PAK5: variants seen among roughly 807,000 people sequenced by gnomAD.
PAK5 encodes p21 (RAC1) activated kinase 5, also known as serine/threonine-protein kinase PAK 5.
A neutral mutation model predicts 65.9 loss-of-function variants in PAK5; 16 were observed. The ratio of observed to expected loss-of-function variants is 0.24; its 90% CI spans 0.16 to 0.37. PAK5 has a LOEUF of 0.37. Ranked by LOEUF, PAK5 falls within the 10% of genes least tolerant of loss-of-function variation. The pLI, the probability that PAK5 is intolerant of heterozygous loss-of-function variation, is 1.00. For missense variants in PAK5, 785 were observed against 903.9 expected, an observed-to-expected ratio of 0.87 and a Z score of 1.69; for synonymous variants, 371 against 354.9, an observed-to-expected ratio of 1.05 and a Z score of -0.51.
intron 1 of PAK5, among the ~76,000 whole-genome samples, chr20:9,826,987 C>T (rs1357976077): frequency 6.6e-6 from 1 of 152,178 alleles, no homozygotes; most frequent in Non-Finnish European, 1.5e-5. Context: ...TGCTTCACCA[C>T]TTTCTCTCTT....
intron 1 of PAK5, among the ~76,000 whole-genome samples, chr20:9,814,247 G>A (rs1057457093): frequency 8.5e-5 from 13 of 152,246 alleles, no homozygotes; most frequent in South Asian, 2.1e-4. Flanking sequence ...AAGTGAGGCC[G>A]TTGAAAGATT....
chr20:9,547,303 A>G (rs1159734889), intron 7 of PAK5, among the ~76,000 whole-genome samples: 2 of 152,176 alleles, frequency 1.3e-5, no homozygotes, highest in Non-Finnish European at 2.9e-5. Context: ...ATGAGAATAC[A>G]TTTCATGCAG....
At chr20:9,578,574 A>C (rs1424850664) in intron 4 of PAK5, among the ~76,000 whole-genome samples, 2 of 152,218 alleles carry the variant, frequency 1.3e-5, no homozygotes, top group Admixed American at 6.5e-5. Flanking sequence ...ACACGCACAC[A>C]AAATCTTAGA....
At chr20:9,565,189 A>G (rs1303099048) in intron 5 of PAK5, among the ~76,000 whole-genome samples, 1 of 151,992 alleles carries the variant, frequency 6.6e-6, no homozygotes, top group African/African-American at 2.4e-5. Context: ...ATTGAAATTT[A>G]GAGAGTTACC....
chr20:9,539,854 A>T (rs2045231823), intron 9 of PAK5, among the ~76,000 whole-genome samples: 2 of 152,226 alleles, frequency 1.3e-5, no homozygotes, highest in Admixed American at 6.5e-5. Flanking sequence ...ATGAAAACTT[A>T]TTTACTACAT....
intron 1 of PAK5, among the ~76,000 whole-genome samples, chr20:9,766,539 ATATATATATAT>A (rs2048770694): frequency 2.9e-5 from 4 of 139,416 alleles, no homozygotes; most frequent in African/African-American, 1.1e-4. Context: ...ATATATATAT[ATATATATATAT>A]TTTCAAGCAG....
chr20:9,832,255 C>G (rs1978779990), intron 1 of PAK5, among the ~76,000 whole-genome samples: 1 of 151,858 alleles, frequency 6.6e-6, no homozygotes, highest in Admixed American at 6.6e-5. Context: ...ATAATTTAAA[C>G]TTTTAAAAGT....
intron 3 of PAK5, among the ~76,000 whole-genome samples, chr20:9,606,944 A>C (rs16996145): frequency 0.051 from 7,793 of 152,284 alleles, 306 homozygotes; most frequent in African/African-American, 0.11. Context: ...TTCTGTGTGC[A>C]TCTAGAACAA....
chr20:9,737,000 T>A (rs1439204481), intron 1 of PAK5, among the ~76,000 whole-genome samples: 1 of 151,928 alleles, frequency 6.6e-6, no homozygotes, highest in African/African-American at 2.4e-5. Context: ...TAGAGCTAAA[T>A]CTTTACTGAA....
Position 9,539,486 on chromosome 20 carries a change from G to C in PAK5, c.2136C>G (p.Leu712=). Residue 712 remains leucine, a synonymous_variant, in exon 10 of 10, where the codon CTC becomes CTG. Coordinates refer to ENST00000353224, the MANE Select transcript of PAK5 (RefSeq NM_177990.4). The part of the protein sequence containing the change: ...LAGPPSCIVP[L]MRQYRHH The stretch of plus-strand genomic sequence containing the variant: ...CTCAGTGATGCCTGTATTGTCTCAT[G>C]AGGGGGACGATGCAAGACGGTGGAC... 1 of 1,614,002 alleles carries C rather than the reference G, an allele frequency of 6.2e-7. No homozygotes were observed. The highest frequency in any genetic ancestry group is 8.5e-7 in the Non-Finnish European group (1 of 1,179,936).
intron 2 of PAK5, among the ~76,000 whole-genome samples, chr20:9,659,073 G>A (rs186955838): frequency 1.8e-4 from 27 of 152,270 alleles, no homozygotes; most frequent in Middle Eastern, 3.4e-3. Context: ...TATGAGATAC[G>A]TGGTAGGTGT....
At chr20:9,594,039 A>G (rs567664812) in intron 3 of PAK5, among the ~76,000 whole-genome samples, 3 of 152,338 alleles carry the variant, frequency 2.0e-5, no homozygotes, top group Non-Finnish European at 4.4e-5. Flanking sequence ...TGGAATCATC[A>G]GGGTGGAGGC....
chr20:9,667,534 G>C (rs1008102904), intron 2 of PAK5, among the ~76,000 whole-genome samples: 1 of 151,702 alleles, frequency 6.6e-6, no homozygotes, highest in Non-Finnish European at 1.5e-5. Flanking sequence ...TCCCACCAAG[G>C]TCTACATATG....
intron 7 of PAK5, among the ~76,000 whole-genome samples, chr20:9,547,367 A>G (rs1232859994): frequency 2.6e-5 from 4 of 152,214 alleles, no homozygotes; most frequent in African/African-American, 9.6e-5. Context: ...GTCCTAGGAA[A>G]TGAATACACT....
intron 1 of PAK5, among the ~76,000 whole-genome samples, chr20:9,834,280 A>G (rs189391906): frequency 7.0e-4 from 107 of 152,352 alleles, no homozygotes; most frequent in African/African-American, 2.4e-3. Flanking sequence ...GTTGAACTAC[A>G]TTCATTTCCC....
At chr20:9,586,343 C>T (rs2046069587) in intron 3 of PAK5, among the ~76,000 whole-genome samples, 1 of 152,122 alleles carries the variant, frequency 6.6e-6, no homozygotes, top group Non-Finnish European at 1.5e-5. Context: ...CCTTAAATCT[C>T]CCTATTTTTA....
chr20:9,601,046 A>G (rs2046350882), intron 3 of PAK5, among the ~76,000 whole-genome samples: 1 of 152,176 alleles, frequency 6.6e-6, no homozygotes, highest in Non-Finnish European at 1.5e-5. Context: ...CAGGTTGACC[A>G]GTATCAGCCT....
chr20:9,697,945 A>G (rs1260868728), intron 2 of PAK5, among the ~76,000 whole-genome samples: 1 of 152,072 alleles, frequency 6.6e-6, no homozygotes, highest in Non-Finnish European at 1.5e-5. Flanking sequence ...GTTTTAATAC[A>G]ATAAAATGTT....
intron 7 of PAK5, among the ~76,000 whole-genome samples, chr20:9,555,232 A>G (rs533842456): frequency 6.6e-6 from 1 of 152,352 alleles, no homozygotes; most frequent in Admixed American, 6.5e-5. Flanking sequence ...AATAAGGACT[A>G]AAAGCATCTA....
Sources: gnomAD v4.1 joint callset for allele counts (sites outside exome capture counted in the v4.1 genomes callset) on GRCh38, gnomAD v4.1.1 for gene constraint, MANE v1.5 for transcripts, NCBI Gene and HGNC (gene_info 2026-07-23, HGNC 2026-07-21) for gene names.